Variants in MDGA2 observed in about 807,000 individuals in gnomAD.
The protein encoded by MDGA2 is MAM domain containing glycosylphosphatidylinositol anchor 2.
MDGA2 carries 40 observed loss-of-function variants against 117.8 expected under a neutral mutation model. That is an observed-to-expected ratio of 0.34 (90% confidence interval 0.26 to 0.44). The LOEUF is 0.44. Ranked by LOEUF, MDGA2 falls within the 20% of genes least tolerant of loss-of-function variation. The pLI is 1.00. For synonymous variants in MDGA2, 452 were observed against 439.0 expected (o/e 1.03, Z -0.37); for missense variants, 1,123 against 1,250.6 (o/e 0.90, Z 1.54).
chr14:47,150,064 G>T (rs1331799601), intron 3 of MDGA2, among the ~76,000 whole-genome samples: 2 of 152,180 alleles, frequency 1.3e-5, no homozygotes, highest in Non-Finnish European at 2.9e-5. Context: ...TCCCGAGAAG[G>T]GTGTGAGTTA....
intron 1 of MDGA2, among the ~76,000 whole-genome samples, chr14:47,331,726 G>C (rs779989886): frequency 1.4e-4 from 21 of 151,840 alleles, no homozygotes; most frequent in Non-Finnish European, 2.7e-4. Context: ...TTATATAATA[G>C]GATTAATAAA....
At chr14:47,167,774 C>G (rs1329928502) in intron 3 of MDGA2, among the ~76,000 whole-genome samples, 1 of 152,040 alleles carries the variant, frequency 6.6e-6, no homozygotes, top group African/African-American at 2.4e-5. Context: ...GTTATATGAA[C>G]AAAATGATAT....
chr14:47,187,723 G>A (rs1336675943), intron 3 of MDGA2, among the ~76,000 whole-genome samples: 1 of 151,828 alleles, frequency 6.6e-6, no homozygotes, highest in Non-Finnish European at 1.5e-5. Context: ...TTTATTCATG[G>A]GAACACATAA....
At chr14:47,199,812 T>C (rs1236524295) in intron 3 of MDGA2, among the ~76,000 whole-genome samples, 1 of 152,196 alleles carries the variant, frequency 6.6e-6, no homozygotes, top group Non-Finnish European at 1.5e-5. Context: ...ATGGATTTGA[T>C]AGTCAGAAGT....
intron 6 of MDGA2, among the ~76,000 whole-genome samples, chr14:47,078,096 T>A (rs1890563096): frequency 6.6e-6 from 1 of 152,036 alleles, no homozygotes; most frequent in South Asian, 2.1e-4. Flanking sequence ...AGGGACAGAT[T>A]TTACTGTATT....
intron 9 of MDGA2, among the ~76,000 whole-genome samples, chr14:46,957,013 C>A (rs1018205473): frequency 1.3e-5 from 2 of 152,120 alleles, no homozygotes; most frequent in Admixed American, 1.3e-4. Context: ...GCTTCCCAGT[C>A]ATGCTTCCTG....
At chr14:46,847,993 T>C (rs1391158694) in intron 15 of MDGA2, among the ~76,000 whole-genome samples, 3 of 152,002 alleles carry the variant, frequency 2.0e-5, no homozygotes, top group Non-Finnish European at 4.4e-5. Context: ...AATCAATAGT[T>C]AATATTAAAT....
At chr14:47,413,726 A>C in intron 1 of MDGA2, among the ~76,000 whole-genome samples, 1 of 151,272 alleles carries the variant, frequency 6.6e-6, no homozygotes, top group East Asian at 1.9e-4. Context: ...TTGGGACTGG[A>C]CATTTGTTTA....
chr14:46,949,300 T>G (rs1885285109), intron 9 of MDGA2, among the ~76,000 whole-genome samples: 1 of 152,016 alleles, frequency 6.6e-6, no homozygotes, highest in Non-Finnish European at 1.5e-5. Flanking sequence ...CCATGTGGAC[T>G]AGAGGAGTTC....
chr14:47,407,396 A>G (rs1235538916), intron 1 of MDGA2, among the ~76,000 whole-genome samples: 1 of 152,124 alleles, frequency 6.6e-6, no homozygotes, highest in Non-Finnish European at 1.5e-5. Flanking sequence ...ATAATGCAGT[A>G]ATCATTATTT....
intron 3 of MDGA2, among the ~76,000 whole-genome samples, chr14:47,160,446 C>T (rs1883586572): frequency 6.6e-6 from 1 of 152,118 alleles, no homozygotes; most frequent in South Asian, 2.1e-4. Context: ...ATAATCCCAG[C>T]ACTTTGGCTA....
intron 1 of MDGA2, among the ~76,000 whole-genome samples, chr14:47,339,005 T>C (rs1263426811): frequency 5.9e-5 from 9 of 152,196 alleles, no homozygotes; most frequent in African/African-American, 1.9e-4. Context: ...AAATTTTCTA[T>C]GGGCCTATTA....
chr14:47,389,162 T>G (rs1594832002), intron 1 of MDGA2, among the ~76,000 whole-genome samples: 2 of 143,386 alleles, frequency 1.4e-5, no homozygotes, highest in Admixed American at 1.3e-4. Context: ...TTCAAATACA[T>G]CCAGCACAGT....
chr14:47,454,740 T>A (rs1318591042), intron 1 of MDGA2, among the ~76,000 whole-genome samples: 1 of 152,206 alleles, frequency 6.6e-6, no homozygotes, highest in African/African-American at 2.4e-5. Flanking sequence ...AACCTGAAAG[T>A]GTGTTGAATG....
At position 47,364,073 on chromosome 14, in the gene MDGA2, T is replaced by C. The variant is rs1891181109; in HGVS notation, c.281-62523A>G. ...CTACACCAAATTACATGATTATAGATGAACCACAGATAGAATCTGGACAGT... is the reference window on the plus strand; with the variant it reads ...CTACACCAAATTACATGATTATAGACGAACCACAGATAGAATCTGGACAGT... On this transcript the variant is annotated intron_variant, in intron 1 of 16. Coordinates refer to ENST00000399232, the MANE Select transcript of MDGA2 (RefSeq NM_001113498.3). Among the ~76,000 whole-genome samples the C allele has an allele frequency of 3.9e-5, 6 of 152,302 alleles. No individual in the cohort carries two copies. In the South Asian group the frequency reaches 1.2e-3, roughly 32 times the overall value.
At chr14:47,089,665 C>A (rs1213937046) in intron 6 of MDGA2, among the ~76,000 whole-genome samples, 2 of 151,944 alleles carry the variant, frequency 1.3e-5, no homozygotes, top group Non-Finnish European at 2.9e-5. Flanking sequence ...AGGTTTGTTA[C>A]ATATGTATAG....
chr14:47,286,826 C>CACACAT lies in MDGA2; in HGVS notation c.420+14584_420+14585insATGTGT, dbSNP rs1555370157. 1.3e-3 allele frequency among the ~76,000 whole-genome samples: 92 copies of CACACAT among 71,794 alleles called. No individual in the cohort carries two copies. The East Asian group carries it at 0.015, about 12-fold the overall frequency. The allele number at this position is 71,794 out of a possible 152,430, so 47.1% of individuals were successfully genotyped here. A position where few individuals can be genotyped will look rare whatever the true frequency, so the allele number is the denominator to read the frequency against. Reference sequence around the variant, plus strand: ...CATTATATATATATATATATATATACATATATATATGTATATATATATATA... The same window carrying CACACAT: ...CATTATATATATATATATATATATACACACATATATATATATGTATATATATATATA... On this transcript the variant is annotated intron_variant, in intron 2 of 16. Coordinates refer to ENST00000399232, the MANE Select transcript of MDGA2 (RefSeq NM_001113498.3).
intron 8 of MDGA2, among the ~76,000 whole-genome samples, chr14:47,018,877 C>T (rs1888183042): frequency 6.6e-6 from 1 of 151,116 alleles, no homozygotes; most frequent in Admixed American, 6.6e-5. Context: ...ACACCAGACA[C>T]ATATGGCTGT....
intron 1 of MDGA2, among the ~76,000 whole-genome samples, chr14:47,553,977 T>C (rs937972570): frequency 1.3e-5 from 2 of 152,220 alleles, no homozygotes; most frequent in Non-Finnish European, 2.9e-5. Context: ...GTCTGGGTTT[T>C]GTTGTTTTAA....
Sources: allele counts gnomAD v4.1 joint callset (sites outside exome capture counted in the v4.1 genomes callset), GRCh38; gene constraint gnomAD v4.1.1; transcripts MANE v1.5; gene names NCBI Gene and HGNC (gene_info 2026-07-23, HGNC 2026-07-21).